NBEA: variants seen among roughly 807,000 people sequenced by gnomAD.
The protein encoded by NBEA is neurobeachin, also known as lysosomal-trafficking regulator 2.
A neutral mutation model predicts 343.4 loss-of-function variants in NBEA; 44 were observed. The ratio of observed to expected loss-of-function variants is 0.13; its 90% confidence interval spans 0.10 to 0.16. The LOEUF (loss-of-function observed/expected upper bound fraction) is 0.16. Ranked by LOEUF, NBEA falls within the 10% of genes least tolerant of loss-of-function variation. NBEA has a pLI of 1.00. For missense variants in NBEA, 2,555 were observed against 3,631.3 expected (o/e 0.70, Z 7.62); for synonymous variants, 1,175 against 1,238.7 (o/e 0.95, Z 1.08).
At chr13:35,064,510 A>G (rs1257345012) in intron 8 of NBEA, among the ~76,000 whole-genome samples, 2 of 152,212 alleles carry the variant, frequency 1.3e-5, no homozygotes, top group African/African-American at 2.4e-5. Context: ...TACTGAAAAT[A>G]CAGTTAATTT....
At chr13:35,334,246 C>T (rs957962668) in intron 36 of NBEA, among the ~76,000 whole-genome samples, 1 of 152,052 alleles carries the variant, frequency 6.6e-6, no homozygotes, top group Non-Finnish European at 1.5e-5. Flanking sequence ...TTTTAACTGG[C>T]ATGAGATGGT....
chr13:35,204,293 G>A (rs990081325), intron 31 of NBEA, among the ~76,000 whole-genome samples: 5 of 152,122 alleles, frequency 3.3e-5, no homozygotes, highest in Non-Finnish European at 5.9e-5. Context: ...TGCTGATAAA[G>A]ACATACCGAA....
chr13:35,009,288 C>T (rs1347416923), intron 1 of NBEA, among the ~76,000 whole-genome samples: 1 of 152,114 alleles, frequency 6.6e-6, no homozygotes, highest in African/African-American at 2.4e-5. Context: ...AAGCATACAC[C>T]TGAAATACAT....
intron 41 of NBEA, among the ~76,000 whole-genome samples, chr13:35,514,438 G>A (rs2077404074): frequency 6.6e-6 from 1 of 152,156 alleles, no homozygotes; most frequent in Admixed American, 6.6e-5. Flanking sequence ...TGTGTTGTCA[G>A]ACTTGGCATG....
intron 38 of NBEA, among the ~76,000 whole-genome samples, chr13:35,428,180 G>A (rs140474931): frequency 7.2e-5 from 11 of 152,252 alleles, no homozygotes; most frequent in African/African-American, 1.2e-4. Flanking sequence ...AGATGAAGCC[G>A]GTACCTCAGT....
chr13:35,445,715 TAAAATA>T (rs1460437525), intron 39 of NBEA, among the ~76,000 whole-genome samples: 4 of 147,616 alleles, frequency 2.7e-5, no homozygotes, highest in Non-Finnish European at 5.9e-5. Context: ...AGAGAATCCC[TAAAATA>T]AAAACACTCC....
intron 49 of NBEA, among the ~76,000 whole-genome samples, chr13:35,633,286 T>G (rs1401735841): frequency 2.6e-5 from 4 of 151,198 alleles, no homozygotes; most frequent in African/African-American, 9.7e-5. Flanking sequence ...GTATTTTTAG[T>G]AGAGATGGGG....
chr13:35,533,235 A>G (rs938647680), intron 41 of NBEA, among the ~76,000 whole-genome samples: 14 of 152,110 alleles, frequency 9.2e-5, no homozygotes, highest in African/African-American at 3.4e-4. Context: ...ACAATGAATC[A>G]ATTTAATCAT....
intron 49 of NBEA, among the ~76,000 whole-genome samples, chr13:35,644,227 C>T (rs1294965993): frequency 6.6e-6 from 1 of 152,186 alleles, no homozygotes; most frequent in Non-Finnish European, 1.5e-5. Context: ...CGAGAACTGA[C>T]TGTCTTAATG....
intron 41 of NBEA, among the ~76,000 whole-genome samples, chr13:35,543,768 G>T (rs1243360970): frequency 6.6e-6 from 1 of 152,058 alleles, no homozygotes; most frequent in Non-Finnish European, 1.5e-5. Context: ...CATTTCTTTG[G>T]TAGGGAAATA....
At chr13:34,988,059 T>C (rs915331664) in intron 1 of NBEA, among the ~76,000 whole-genome samples, 1 of 151,052 alleles carries the variant, frequency 6.6e-6, no homozygotes, top group Admixed American at 6.6e-5. Flanking sequence ...TGCTATCCTT[T>C]GGAGGAGAAG....
chr13:35,012,236 G>A (rs1411860874), intron 1 of NBEA, among the ~76,000 whole-genome samples: 1 of 152,134 alleles, frequency 6.6e-6, no homozygotes, highest in Non-Finnish European at 1.5e-5. Context: ...TTCTTGCTGT[G>A]TCATCCCATG....
intron 38 of NBEA, among the ~76,000 whole-genome samples, chr13:35,414,456 C>T (rs896174949): frequency 6.6e-6 from 1 of 152,074 alleles, no homozygotes; most frequent in African/African-American, 2.4e-5. Context: ...GTTTAATTCC[C>T]ACCTATGAGT....
intron 1 of NBEA, among the ~76,000 whole-genome samples, chr13:34,971,994 G>A (rs912953993): frequency 2.0e-5 from 3 of 151,864 alleles, no homozygotes; most frequent in Admixed American, 1.3e-4. Flanking sequence ...TGGTTGGTAG[G>A]CTATTACTGC....
At chr13:35,080,049 G>A (rs143245741) in intron 10 of NBEA, among the ~76,000 whole-genome samples, 3 of 152,160 alleles carry the variant, frequency 2.0e-5, no homozygotes, top group African/African-American at 7.2e-5. Context: ...ACAGATGCTT[G>A]TTTCTTTCTG....
chr13:35,451,756 A>C (rs1309121551), intron 39 of NBEA, among the ~76,000 whole-genome samples: 1 of 152,232 alleles, frequency 6.6e-6, no homozygotes, highest in African/African-American at 2.4e-5. Flanking sequence ...TGCAACATGC[A>C]CTGATCTTAG....
intron 31 of NBEA, among the ~76,000 whole-genome samples, chr13:35,207,408 A>G (rs1210912987): frequency 6.6e-6 from 1 of 152,094 alleles, no homozygotes; most frequent in Non-Finnish European, 1.5e-5. Context: ...TCCAAGCATT[A>G]CATTTGATTA....
At chr13:35,495,132 T>G (rs1002432588) in intron 41 of NBEA, among the ~76,000 whole-genome samples, 1 of 151,928 alleles carries the variant, frequency 6.6e-6, no homozygotes, top group African/African-American at 2.4e-5. Context: ...TTTGACCCAG[T>G]TTAGGTTCAA....
At chr13:35,051,374 A>G (rs900040718) in intron 6 of NBEA, among the ~76,000 whole-genome samples, 6 of 149,384 alleles carry the variant, frequency 4.0e-5, no homozygotes, top group African/African-American at 1.5e-4. Flanking sequence ...TCTTTTTCGT[A>G]TCTTTTTTGT....
Sources: allele counts gnomAD v4.1 joint callset (sites outside exome capture counted in the v4.1 genomes callset), GRCh38; gene constraint gnomAD v4.1.1; transcripts MANE v1.5; gene names NCBI Gene and HGNC (gene_info 2026-07-23, HGNC 2026-07-21).